TMED3: variants seen among roughly 807,000 people sequenced by gnomAD.
The protein encoded by TMED3 is transmembrane p24 trafficking protein 3, also known as transmembrane emp24 domain-containing protein 3.
In TMED3, 9 loss-of-function variants were observed where a neutral mutation model predicts 15.0. The ratio of observed to expected loss-of-function variants is 0.60; its 90% CI spans 0.36 to 1.04. TMED3 has a LOEUF of 1.04. Ranked by LOEUF, TMED3 falls within the 50% of genes least tolerant of loss-of-function variation. The probability of loss-of-function intolerance (pLI) is 0.01; values close to 1 mark genes in which losing one functional copy is unlikely to be tolerated. For synonymous variants in TMED3, 117 were observed against 121.4 expected (o/e 0.96, Z 0.24); for missense variants, 267 against 278.9 (o/e 0.96, Z 0.30).
downstream of TMED3, among the ~76,000 whole-genome samples, chr15:79,326,390 C>T (rs1162988549): frequency 2.0e-5 from 3 of 152,206 alleles, no homozygotes; most frequent in Non-Finnish European, 4.4e-5. Flanking sequence ...TGAGCTGTCA[C>T]AGCCCCTGGG....
At chr15:79,386,804 C>T (rs1401962562) in intron 2 of TMED3, among the ~76,000 whole-genome samples, 3 of 151,632 alleles carry the variant, frequency 2.0e-5, no homozygotes, top group African/African-American at 4.8e-5. Flanking sequence ...GTCTCAGCCT[C>T]CCAAAGTGCT....
chr15:79,356,889 T>C (rs1198008185), intron 2 of TMED3, among the ~76,000 whole-genome samples: 2 of 152,146 alleles, frequency 1.3e-5, no homozygotes, highest in Non-Finnish European at 2.9e-5. Flanking sequence ...TATGCAACAC[T>C]GTGGAATATT....
chr15:79,331,326 A>G (rs2058807278), intron 2 of TMED3, among the ~76,000 whole-genome samples: 1 of 152,200 alleles, frequency 6.6e-6, no homozygotes, highest in Non-Finnish European at 1.5e-5. Context: ...TCTTTTCAAT[A>G]AATGGTGCTG....
At chr15:79,399,604 ATG>A (rs1893808347) in intron 2 of TMED3, among the ~76,000 whole-genome samples, 1 of 152,168 alleles carries the variant, frequency 6.6e-6, no homozygotes. Context: ...ATGCCAGGAA[ATG>A]TGTCCTTTAT....
chr15:79,390,557 G>A (rs1893682850), intron 2 of TMED3, among the ~76,000 whole-genome samples: 1 of 151,668 alleles, frequency 6.6e-6, no homozygotes, highest in African/African-American at 2.4e-5. Context: ...TACCTTTTTT[G>A]GTTAAGTCCT....
chr15:79,355,780 T>G (rs1436242076), intron 2 of TMED3, among the ~76,000 whole-genome samples: 1 of 152,198 alleles, frequency 6.6e-6, no homozygotes, highest in Non-Finnish European at 1.5e-5. Context: ...GACCCTCCAC[T>G]GAATGGCTTG....
chr15:79,385,688 T>C (rs1408949703), intron 2 of TMED3, among the ~76,000 whole-genome samples: 2 of 152,058 alleles, frequency 1.3e-5, no homozygotes, highest in African/African-American at 4.8e-5. Context: ...ACAGGTAGGC[T>C]CAGATCCACA....
At chr15:79,342,897 G>A (rs11632738) in intron 2 of TMED3, among the ~76,000 whole-genome samples, 38,217 of 152,058 alleles carry the variant, frequency 0.25, 6,041 homozygotes, top group Middle Eastern at 0.41. Flanking sequence ...TGTAATATTA[G>A]GTACTGATAA....
intron 2 of TMED3, among the ~76,000 whole-genome samples, chr15:79,379,651 T>G (rs1893487527): frequency 6.6e-6 from 1 of 152,206 alleles, no homozygotes; most frequent in African/African-American, 2.4e-5. Context: ...TATGTATTTG[T>G]GTATTAAACA....
chr15:79,380,406 A>ATATATATAGT (rs145351272), intron 2 of TMED3, among the ~76,000 whole-genome samples: 4 of 132,332 alleles, frequency 3.0e-5, no homozygotes, highest in Non-Finnish European at 6.4e-5. Flanking sequence ...AGTCTCAAAT[A>ATATATATAGT]TATATATAGT....
At chr15:79,345,569 G>A (rs2058867799) in intron 2 of TMED3, among the ~76,000 whole-genome samples, 2 of 152,086 alleles carry the variant, frequency 1.3e-5, no homozygotes, top group Non-Finnish European at 2.9e-5. Flanking sequence ...TTAGGTTGTT[G>A]ATTCCATGTC....
At chr15:79,403,621 C>T (rs892752979) in intron 2 of TMED3, among the ~76,000 whole-genome samples, 1 of 152,206 alleles carries the variant, frequency 6.6e-6, no homozygotes, top group Non-Finnish European at 1.5e-5. Flanking sequence ...GTCTGCCAAT[C>T]TGTTTACATT....
chr15:79,394,766 T>C (rs943389070), intron 2 of TMED3, among the ~76,000 whole-genome samples: 2 of 152,214 alleles, frequency 1.3e-5, no homozygotes, highest in African/African-American at 4.8e-5. Flanking sequence ...TCCAGTTTTA[T>C]CCAGTTTTAA....
intron 1 of TMED3, among the ~76,000 whole-genome samples, 154 bp downstream of exon 1, chr15:79,311,571 G>A (rs907701493): frequency 5.5e-4 from 84 of 152,320 alleles, no homozygotes; most frequent in African/African-American, 1.9e-3. Flanking sequence ...TGACTTCCCC[G>A]TGAGGAGGAA....
chr15:79,341,171 T>C (rs1044260829), intron 2 of TMED3, among the ~76,000 whole-genome samples: 3 of 111,460 alleles, frequency 2.7e-5, no homozygotes, highest in African/African-American at 3.6e-5. Flanking sequence ...TCAGCCTGAG[T>C]GACACAGCAG....
chr15:79,412,407 C>G (rs947421508), exon 3 of TMED3: 1 of 152,390 alleles, frequency 6.6e-6, no homozygotes, highest in Non-Finnish European at 1.5e-5. Flanking sequence ...TCACCTTCAC[C>G]AGTGCCTTGC....
chr15:79,383,130 G>A, intron 2 of TMED3: 1 of 1,067,964 alleles, frequency 9.4e-7, no homozygotes, highest in Non-Finnish European at 1.4e-6. Context: ...TACTGCCATG[G>A]TGCACTTCAC....
intron 2 of TMED3, among the ~76,000 whole-genome samples, chr15:79,374,467 A>G (rs1383014360): frequency 6.6e-6 from 1 of 152,152 alleles, no homozygotes; most frequent in African/African-American, 2.4e-5. Context: ...GGGGCTTAGA[A>G]TTTTATTTTT....
chr15:79,349,065 TG>T (rs917064188), intron 2 of TMED3, among the ~76,000 whole-genome samples: 7 of 152,172 alleles, frequency 4.6e-5, no homozygotes, highest in Non-Finnish European at 4.4e-5. Context: ...CTCGAACTCC[TG>T]GGCTCAAGTG....
Sources: gnomAD v4.1 joint callset for allele counts (sites outside exome capture counted in the v4.1 genomes callset) on GRCh38, gnomAD v4.1.1 for gene constraint, MANE v1.5 for transcripts, NCBI Gene and HGNC (gene_info 2026-07-23, HGNC 2026-07-21) for gene names.